The following NPHS2 variants were observed in gnomAD, a reference collection of about 807,000 sequenced individuals.
NPHS2 encodes podocin.
In NPHS2, 36 loss-of-function variants were observed where a neutral mutation model predicts 37.1. The ratio of observed to expected loss-of-function variants is 0.97; its 90% CI spans 0.74 to 1.28. The LOEUF is 1.28. Among genes scored for constraint, NPHS2 ranks in the 50% most tolerant of loss-of-function variants. The pLI is 0.00. For missense variants in NPHS2, 447 were observed against 488.1 expected, an observed-to-expected ratio of 0.92 and a Z score of 0.79; for synonymous variants, 196 against 189.3, an observed-to-expected ratio of 1.04 and a Z score of -0.29.
At chr1:179,569,472 C>T (rs182558248) in intron 1 of NPHS2, among the ~76,000 whole-genome samples, 13 of 152,154 alleles carry the variant, frequency 8.5e-5, no homozygotes, top group South Asian at 2.1e-4. Flanking sequence ...TACAGCACAC[C>T]GATGGGTCTT....
intron 3 of NPHS2, among the ~76,000 whole-genome samples, chr1:179,560,740 A>G (rs990031489): frequency 3.3e-5 from 5 of 152,112 alleles, no homozygotes; most frequent in Admixed American, 1.3e-4. Flanking sequence ...TCTGTCTCCC[A>G]TAATGAGCTT....
chr1:179,560,562 A>G (rs1421539762), intron 3 of NPHS2, among the ~76,000 whole-genome samples: 2 of 151,740 alleles, frequency 1.3e-5, no homozygotes, highest in African/African-American at 4.8e-5. Flanking sequence ...TTCATTCTGA[A>G]TCTTCAAACT....
At chr1:179,560,546 CAT>C (rs981392509) in intron 3 of NPHS2, among the ~76,000 whole-genome samples, 4 of 152,072 alleles carry the variant, frequency 2.6e-5, no homozygotes, top group African/African-American at 4.8e-5. Context: ...TGTGTGGACT[CAT>C]ATATTCATTC....
chr1:179,555,012 G>A (rs1017028775), intron 5 of NPHS2, among the ~76,000 whole-genome samples: 1 of 152,182 alleles, frequency 6.6e-6, no homozygotes, highest in African/African-American at 2.4e-5. Flanking sequence ...GGAGGAAGGT[G>A]CCACGAGCTG....
In NPHS2 at chr1:179,575,877, C is replaced by T; in HGVS notation, c.-13G>A. 14 of 1,396,300 alleles carry T rather than the reference C, an allele frequency of 1.0e-5. No individual in the cohort carries two copies. Among genetic ancestry groups the T allele is most frequent in the Non-Finnish European group, 1.2e-5 (13 of 1,083,442 alleles). The allele number at this position is 1,396,300 out of a possible 1,614,324, so 86.5% of individuals were successfully genotyped here. On this transcript the variant is annotated 5_prime_UTR_variant, in exon 1 of 8. Transcript: ENST00000367615. ...CCCTCCTCTCCATCCTCAGAGCTGC[C>T]GGGCGGCTGGAGCAGCAGCGCGGGA...
intron 4 of NPHS2, among the ~76,000 whole-genome samples, chr1:179,557,925 A>G (rs1350498169): frequency 3.3e-5 from 5 of 152,302 alleles, no homozygotes; most frequent in Admixed American, 2.6e-4. Flanking sequence ...ATGGTATGAT[A>G]TATGTGTGTA....
intron 2 of NPHS2, among the ~76,000 whole-genome samples, chr1:179,562,535 C>T (rs892530125): frequency 2.0e-5 from 3 of 152,180 alleles, no homozygotes; most frequent in African/African-American, 7.2e-5. Context: ...CTTTAAAAAG[C>T]TCCAATGAAT....
At chr1:179,569,736 G>C (rs553634988) in intron 1 of NPHS2, among the ~76,000 whole-genome samples, 1 of 152,282 alleles carries the variant, frequency 6.6e-6, no homozygotes, top group East Asian at 1.9e-4. Flanking sequence ...AGGCAGGCCT[G>C]GTGGTGATAA....
chr1:179,550,845 A>G lies in NPHS2; in HGVS notation c.*328T>C, dbSNP rs1356025799. On this transcript the variant is annotated 3_prime_UTR_variant, in exon 8 of 8. Coordinates refer to ENST00000367615, the MANE Select transcript of NPHS2 (RefSeq NM_014625.4). ...CCTTGCCAAAGGGGTCAGAGGACATACAGTGAAAGGGACATCTGAACCAAG... is the reference window on the plus strand; with the variant it reads ...CCTTGCCAAAGGGGTCAGAGGACATGCAGTGAAAGGGACATCTGAACCAAG... 5.3e-6 allele frequency: 2 copies of G among 379,382 alleles called. No individual in the cohort carries two copies. Among genetic ancestry groups the G allele is most frequent in the Admixed American group, 7.4e-5 (2 of 26,872 alleles). 23.5% of individuals were successfully genotyped at this position (379,382 alleles called of 1,614,324 possible). A position where few individuals can be genotyped will look rare whatever the true frequency, so the allele number is the denominator to read the frequency against.
At chr1:179,557,459 G>T (rs538020288) in intron 4 of NPHS2, among the ~76,000 whole-genome samples, 16 of 152,250 alleles carry the variant, frequency 1.1e-4, no homozygotes, top group African/African-American at 2.6e-4. Context: ...AAAAAAATCA[G>T]AAATAATTTT....
chr1:179,569,344 A>G (rs1332160543), intron 1 of NPHS2, among the ~76,000 whole-genome samples: 1 of 113,802 alleles, frequency 8.8e-6, no homozygotes, highest in African/African-American at 3.2e-5. Context: ...AGTCTGTTTT[A>G]TCAGAGACTA....
chr1:179,561,225 C>T lies in NPHS2; in HGVS notation c.451+64G>A, dbSNP rs1674122900. 3 of 1,118,480 alleles carry T rather than the reference C, an allele frequency of 2.7e-6. No homozygotes were observed. In the Admixed American group the frequency reaches 5.0e-5, roughly 19 times the overall value. The allele number at this position is 1,118,480 out of a possible 1,614,324, so 69.3% of individuals were successfully genotyped here. A position where few individuals can be genotyped will look rare whatever the true frequency, so the allele number is the denominator to read the frequency against. On this transcript the variant is annotated intron_variant, in intron 3 of 7. Transcript: ENST00000367615. Reference sequence around the variant, plus strand: ...ATCTGAGGTCCATATTACAAATCTGCATGGGTTGAAGAAATTGGCAAGTCA... The same window carrying T: ...ATCTGAGGTCCATATTACAAATCTGTATGGGTTGAAGAAATTGGCAAGTCA...
At chr1:179,551,719 A>G in intron 7 of NPHS2, 1 of 463,576 alleles carries the variant, frequency 2.2e-6, no homozygotes, top group Non-Finnish European at 3.9e-6. Context: ...GTGGGCCTTG[A>G]AAGATTAGGA....
chr1:179,555,860 C>A (rs929997513), intron 5 of NPHS2, among the ~76,000 whole-genome samples: 1 of 152,068 alleles, frequency 6.6e-6, no homozygotes, highest in Non-Finnish European at 1.5e-5. Context: ...TGTGACAGGC[C>A]TGTGCTGAGG....
chr1:179,556,410 A>T lies in NPHS2; in HGVS notation c.738+617T>A, dbSNP rs1010768909. Among the ~76,000 whole-genome samples, 1 of 152,184 alleles carries T rather than the reference A, an allele frequency of 6.6e-6. No individual in the cohort carries two copies. The highest frequency in any genetic ancestry group is 2.4e-5 in the African/African-American group (1 of 41,446). On this transcript the variant is annotated intron_variant, in intron 5 of 7. Transcript: ENST00000367615. This position sits in a 1 kb window ranked among gnomAD's most constrained non-coding sequence, Gnocchi z 4.1. ...ATACCTGTTGCCTACCTGCCTTGGT[A>T]AGAATCAAAGCCACCGACCCTGGCC...
intron 5 of NPHS2, among the ~76,000 whole-genome samples, chr1:179,554,967 T>C (rs1478307640): frequency 1.3e-5 from 2 of 152,044 alleles, no homozygotes; most frequent in Non-Finnish European, 2.9e-5. Flanking sequence ...GACATGATGA[T>C]AGAAGCAGGA....
intron 2 of NPHS2, among the ~76,000 whole-genome samples, chr1:179,561,751 G>C (rs1437203406): frequency 6.6e-6 from 1 of 152,004 alleles, no homozygotes; most frequent in Non-Finnish European, 1.5e-5. Flanking sequence ...AATACCACTT[G>C]TGATGTTTTG....
At chr1:179,558,073 A>G (rs1162256898) in intron 4 of NPHS2, among the ~76,000 whole-genome samples, 1 of 152,118 alleles carries the variant, frequency 6.6e-6, no homozygotes, top group Non-Finnish European at 1.5e-5. Context: ...TTGTGTTAAA[A>G]TACATATACC....
chr1:179,573,806 A>G (rs1674653174), intron 1 of NPHS2, among the ~76,000 whole-genome samples: 1 of 152,234 alleles, frequency 6.6e-6, no homozygotes, highest in Non-Finnish European at 1.5e-5. Context: ...ACTAATTTAT[A>G]TCCTCAAACC....
Sources: gnomAD v4.1 joint callset for allele counts (sites outside exome capture counted in the v4.1 genomes callset) on GRCh38, gnomAD v4.1.1 for gene constraint, Gnocchi (gnomAD v3.1) non-coding constraint, MANE v1.5 for transcripts, NCBI Gene and HGNC (gene_info 2026-07-23, HGNC 2026-07-21) for gene names.